INSL6: variants seen among roughly 807,000 people sequenced by gnomAD.
INSL6 encodes the protein insulin-like peptide INSL6.
Under a neutral mutation model 9.4 loss-of-function variants are expected in INSL6, and 16 were observed. The ratio of observed to expected loss-of-function variants is 1.70; its 90% CI spans 1.15 to 2.59. The LOEUF (loss-of-function observed/expected upper bound fraction) is 2.59. INSL6 is among the 30% of genes most tolerant of loss of function. The pLI, the probability that INSL6 is intolerant of heterozygous loss-of-function variation, is 0.00. For synonymous variants in INSL6, 154 were observed against 96.9 expected (o/e 1.59, Z -3.46); for missense variants, 391 against 257.3 (o/e 1.52, Z -3.56).
At chr9:5,080,120 G>C in the INSL6 span, 8 of 889,096 alleles carry the variant, frequency 9.0e-6, no homozygotes, top group Non-Finnish European at 1.4e-5. Flanking sequence ...CCAAAATAAA[G>C]AAAATAGGCC....
chr9:5,044,769 T>G, the INSL6 span, among the ~76,000 whole-genome samples: 1 of 152,208 alleles, frequency 6.6e-6, no homozygotes, highest in Non-Finnish European at 1.5e-5. Flanking sequence ...TTTTAGGACT[T>G]TAGATCATTT....
chr9:5,164,992 G>C (rs370980912), intron 1 of INSL6, among the ~76,000 whole-genome samples: 1 of 152,198 alleles, frequency 6.6e-6, no homozygotes, highest in African/African-American at 2.4e-5. Context: ...CGGATCACTT[G>C]AGGTCAGGAG....
chr9:5,112,315 A>T, the INSL6 span: 2 of 276,676 alleles, frequency 7.2e-6, no homozygotes. Flanking sequence ...CCAGCTAGCC[A>T]GGCGCCCTCC....
At chr9:5,127,755 A>T in intron 3 of INSL6, 1 of 232,566 alleles carries the variant, frequency 4.3e-6, no homozygotes, top group Non-Finnish European at 8.5e-6. Flanking sequence ...ATTGTTTTTT[A>T]AAAATGGATA....
At chr9:5,176,944 T>C (rs747749585) in intron 1 of INSL6, among the ~76,000 whole-genome samples, 5 of 152,164 alleles carry the variant, frequency 3.3e-5, no homozygotes, top group Non-Finnish European at 7.4e-5. Context: ...AAAAAAAGTA[T>C]TAAGCATGAA....
intron 2 of INSL6, among the ~76,000 whole-genome samples, chr9:5,134,816 G>T (rs980375800): frequency 6.6e-6 from 1 of 152,120 alleles, no homozygotes; most frequent in East Asian, 1.9e-4. Flanking sequence ...CATAATGACA[G>T]GATCAAAGTC....
the INSL6 span, chr9:5,072,733 A>T: frequency 1.2e-6 from 1 of 812,386 alleles, no homozygotes; most frequent in Non-Finnish European, 1.7e-6. Context: ...TGTAATTTTT[A>T]AATGTGTCAA....
At chr9:5,054,601 T>A in the INSL6 span, 1 of 1,611,070 alleles carries the variant, frequency 6.2e-7, no homozygotes, top group Non-Finnish European at 8.5e-7. This position sits in a 1 kb window ranked among gnomAD's most constrained non-coding sequence, Gnocchi z 4.9. Flanking sequence ...CGAGCAAAGA[T>A]CCAAGACTAT....
intron 2 of INSL6, among the ~76,000 whole-genome samples, chr9:5,156,485 A>G (rs994384206): frequency 2.6e-5 from 4 of 152,198 alleles, no homozygotes; most frequent in African/African-American, 9.6e-5. Context: ...AGCCCCCTAC[A>G]GGGATTTCCA....
At chr9:5,029,397 T>C in the INSL6 span, among the ~76,000 whole-genome samples, 4 of 152,174 alleles carry the variant, frequency 2.6e-5, no homozygotes, top group South Asian at 4.1e-4. Flanking sequence ...ATAACTGATA[T>C]AATAATAAAA....
chr9:5,049,089 T>C, the INSL6 span, among the ~76,000 whole-genome samples: 11 of 152,228 alleles, frequency 7.2e-5, no homozygotes, highest in African/African-American at 2.4e-4. Flanking sequence ...AATAAAGTTA[T>C]CAGCCTTTTT....
the INSL6 span, among the ~76,000 whole-genome samples, chr9:5,010,395 G>A: frequency 1.3e-5 from 2 of 150,570 alleles, no homozygotes; most frequent in Non-Finnish European, 2.9e-5. Context: ...CATGACCTCC[G>A]TTGCAACCTC....
In INSL6 at chr9:5,164,221, A is replaced by G; in HGVS notation, c.334T>C (p.Ser112Pro). The G allele has an allele frequency of 6.2e-7, 1 of 1,606,852 alleles. No individual in the cohort carries two copies. Among genetic ancestry groups the G allele is most frequent in the Non-Finnish European group, 8.5e-7 (1 of 1,177,628 alleles). ...EEAVNSWEMQSLPEYKDKKGY... is the reference protein window; with the variant it reads ...EEAVNSWEMQPLPEYKDKKGY... ...TTTTTATCCTTATACTCAGGTAGTG[A>G]CTGCATTTCCCAACTGTTTACTGCT... The change falls in exon 2 of 2, where the codon TCA becomes CCA. Residue 112 changes from serine (S) to proline (P), a missense_variant. By Grantham distance (74) the Ser-to-Pro change is moderately conservative (BLOSUM62 -1). Coordinates refer to ENST00000381641, the MANE Select transcript of INSL6 (RefSeq NM_007179.3).
At chr9:5,103,682 C>T in the INSL6 span, among the ~76,000 whole-genome samples, 2 of 152,088 alleles carry the variant, frequency 1.3e-5, no homozygotes, top group Non-Finnish European at 2.9e-5. Context: ...GCACTTCTCA[C>T]CAAACGTAAA....
chr9:5,168,867 A>T (rs776684646), intron 1 of INSL6, among the ~76,000 whole-genome samples: 2 of 152,112 alleles, frequency 1.3e-5, no homozygotes, highest in Non-Finnish European at 2.9e-5. Flanking sequence ...TCACACTAAC[A>T]GCAGGCCTCT....
At chr9:5,139,432 T>G (rs1024655614) in intron 2 of INSL6, among the ~76,000 whole-genome samples, 4 of 152,118 alleles carry the variant, frequency 2.6e-5, no homozygotes, top group Non-Finnish European at 5.9e-5. Context: ...CAAAGAAAGT[T>G]GAAAGTAAAT....
chr9:5,106,456 T>C, the INSL6 span, among the ~76,000 whole-genome samples: 1 of 152,220 alleles, frequency 6.6e-6, no homozygotes, highest in African/African-American at 2.4e-5. Context: ...GTGGGAGTAG[T>C]GTAAACTAGT....
the INSL6 span, among the ~76,000 whole-genome samples, chr9:5,006,766 C>T: frequency 2.0e-4 from 30 of 152,306 alleles, no homozygotes; most frequent in Admixed American, 1.0e-3. Flanking sequence ...GGCCACTCCT[C>T]TAACACTGAA....
At chr9:5,135,586 A>C (rs1824374372) in intron 2 of INSL6, among the ~76,000 whole-genome samples, 1 of 152,108 alleles carries the variant, frequency 6.6e-6, no homozygotes, top group African/African-American at 2.4e-5. Flanking sequence ...AGAACAAAGA[A>C]ACAATGTACC....
Sources: allele counts gnomAD v4.1 joint callset (sites outside exome capture counted in the v4.1 genomes callset), GRCh38; gene constraint gnomAD v4.1.1; non-coding constraint Gnocchi (gnomAD v3.1); transcripts MANE v1.5; gene names NCBI Gene and HGNC (gene_info 2026-07-23, HGNC 2026-07-21).